MYO7B: variants seen among roughly 807,000 people sequenced by gnomAD.
The protein encoded by MYO7B is unconventional myosin-VIIb.
In MYO7B, 212 loss-of-function variants were observed where a neutral mutation model predicts 259.7. The ratio of observed to expected loss-of-function variants is 0.82; its 90% confidence interval spans 0.73 to 0.91. The LOEUF (loss-of-function observed/expected upper bound fraction) is 0.91, where lower values mean the gene tolerates loss of function less well. Among genes scored for constraint, MYO7B ranks in the 40% least tolerant of loss-of-function variants. MYO7B has a pLI of 0.00. For missense variants in MYO7B, 2,732 were observed against 2,813.5 expected, an observed-to-expected ratio of 0.97 and a Z score of 0.66; for synonymous variants, 1,197 against 1,166.4, an observed-to-expected ratio of 1.03 and a Z score of -0.54.
chr2:127,571,438 G>A (rs1249395437), intron 6 of MYO7B, among the ~76,000 whole-genome samples: 1 of 21,336 alleles, frequency 4.7e-5, no homozygotes, highest in Non-Finnish European at 9.6e-5. Flanking sequence ...TTCCTTACCA[G>A]TGAGTTTTTT....
At position 127,629,871 on chromosome 2, in the gene MYO7B, A is replaced by G. The variant is rs145049450; in HGVS notation, c.4806+45A>G. The G allele has an allele frequency of 6.0e-6, 9 of 1,512,600 alleles. No individual in the cohort carries two copies. In the East Asian group the frequency reaches 2.1e-4, roughly 36 times the overall value. The allele number at this position is 1,512,600 out of a possible 1,614,324, so 93.7% of individuals were successfully genotyped here. Reference sequence around the variant, plus strand: ...GTCCTCAGCCTGGGTACCCGAGGTCAGGGTGGAGCAGTCCTGGGATGCCTA... The same window carrying G: ...GTCCTCAGCCTGGGTACCCGAGGTCGGGGTGGAGCAGTCCTGGGATGCCTA... On this transcript the variant is annotated intron_variant, in intron 35 of 47. Coordinates refer to ENST00000409816, the MANE Select transcript of MYO7B (RefSeq NM_001393586.1).
chr2:127,589,981 T>C (rs1289616157), intron 15 of MYO7B, 111 bp from the exon 16 acceptor site: 19 of 1,248,622 alleles, frequency 1.5e-5, no homozygotes, highest in Non-Finnish European at 2.1e-5. Context: ...AATAGGTAGA[T>C]GCACCACCCC....
In MYO7B at chr2:127,625,443, C is replaced by T. The variant is rs1553457161; in HGVS notation, c.4123C>T (p.Gln1375Ter). ...CGCCTCAGCAGAGAGCAAGGCTGTCCAGGAGCTGCTGCCCAGCTGCATCCC... is the reference window on the plus strand; with the variant it reads ...CGCCTCAGCAGAGAGCAAGGCTGTCTAGGAGCTGCTGCCCAGCTGCATCCC... ...LGASAESKAV[Q>*]ELLPSCIPHK... The change falls in exon 31 of 48, where the codon CAG becomes TAG. Residue 1375 changes from glutamine to a stop codon, truncating the protein, a stop_gained. Coordinates refer to ENST00000409816, the MANE Select transcript of MYO7B (RefSeq NM_001393586.1). LOFTEE classifies it high-confidence loss of function. 1 of 1,612,082 alleles carries T rather than the reference C, an allele frequency of 6.2e-7. No homozygotes were observed. Among genetic ancestry groups the T allele is most frequent in the Non-Finnish European group, 8.5e-7 (1 of 1,179,562 alleles).
intron 1 of MYO7B, among the ~76,000 whole-genome samples, chr2:127,545,447 G>A (rs1428383096): frequency 3.3e-5 from 5 of 152,216 alleles, no homozygotes; most frequent in Non-Finnish European, 7.3e-5. Flanking sequence ...GATGAGATCA[G>A]ACCCTTCAGT....
At chr2:127,562,999 G>A (rs748872796) in intron 2 of MYO7B, among the ~76,000 whole-genome samples, 1 of 152,132 alleles carries the variant, frequency 6.6e-6, no homozygotes, top group African/African-American at 2.4e-5. Context: ...TTTATAATCA[G>A]GGTATGTTCT....
Position 127,636,527 on chromosome 2 carries a change from C to T in MYO7B, c.6124-18C>T, listed in dbSNP as rs1193357183. On this transcript the variant is annotated intron_variant, in intron 45 of 47. Transcript: ENST00000409816. This position sits in a 1 kb window ranked among gnomAD's most constrained non-coding sequence, Gnocchi z 4.5. ...GCCTCCCGGGCTGGACTATGACCGC[C>T]GTGTCCCTCCCTCCCAGCAAACCTC... 7.5e-6 allele frequency: 12 copies of T among 1,603,332 alleles called. No homozygotes were observed. The highest frequency in any genetic ancestry group is 6.8e-5 in the East Asian group (3 of 44,166).
chr2:127,589,824 G>A (rs1224890579), intron 15 of MYO7B, among the ~76,000 whole-genome samples: 37 of 127,758 alleles, frequency 2.9e-4, no homozygotes, highest in African/African-American at 9.6e-4. Context: ...TGGGTAGGTG[G>A]AAGGATGGGT....
chr2:127,628,237 G>T lies in MYO7B; in HGVS notation c.4461-135G>T. ...CAGACCCACAGTGGTGTCTGGCCTA[G>T]TCCTGGCCCTGGCAGAGCAGCTCTG... On this transcript the variant is annotated intron_variant, in intron 33 of 47. Transcript: ENST00000409816. The surrounding 1 kb of genome is among the most constrained non-coding windows in gnomAD (Gnocchi z 4.8). 9.1e-7 allele frequency: 1 copy of T among 1,099,294 alleles called. No individual in the cohort carries two copies. Among genetic ancestry groups the T allele is most frequent in the Non-Finnish European group, 1.3e-6 (1 of 749,006 alleles). 68.1% of individuals were successfully genotyped at this position (1,099,294 alleles called of 1,614,324 possible). A position where few individuals can be genotyped will look rare whatever the true frequency, so the allele number is the denominator to read the frequency against.
chr2:127,561,929 T>C (rs1678101432), intron 2 of MYO7B, among the ~76,000 whole-genome samples: 1 of 152,152 alleles, frequency 6.6e-6, no homozygotes, highest in East Asian at 1.9e-4. Flanking sequence ...TCTTCCTGGC[T>C]GGTAGATGGC....
At position 127,637,551 on chromosome 2, in the gene MYO7B, A is replaced by C; in HGVS notation, c.*134A>C. ...GCTGCCCCCCATACAAAGCCCACTC[A>C]GCCCCGCAGGCGGCCCCCTCTGTCC... On this transcript the variant is annotated 3_prime_UTR_variant, in exon 48 of 48. Transcript: ENST00000409816. The C allele has an allele frequency of 1.5e-6, 1 of 669,790 alleles. No individual in the cohort carries two copies. The highest frequency in any genetic ancestry group is 2.4e-6 in the Non-Finnish European group (1 of 414,818). The allele number at this position is 669,790 out of a possible 1,614,324, so 41.5% of individuals were successfully genotyped here. A position where few individuals can be genotyped will look rare whatever the true frequency, so the allele number is the denominator to read the frequency against.
At chr2:127,612,136 G>A in intron 24 of MYO7B, 114 bp from the exon 25 acceptor site, 2 of 459,278 alleles carry the variant, frequency 4.4e-6, no homozygotes, top group South Asian at 3.2e-5. Context: ...TATAAATCGG[G>A]CCAGGAAATG....
In MYO7B at chr2:127,636,815, T is replaced by C. The variant is rs1402264972; in HGVS notation, c.6229T>C (p.Phe2077Leu). 7.1e-7 allele frequency: 1 copy of C among 1,417,936 alleles called. No homozygotes were observed. Among genetic ancestry groups the C allele is most frequent in the African/African-American group, 1.5e-5 (1 of 67,810 alleles). The allele number at this position is 1,417,936 out of a possible 1,614,324, so 87.8% of individuals were successfully genotyped here. Residue 2077 changes from phenylalanine to leucine, a missense_variant, in exon 47 of 48, where the codon TTC (phenylalanine) becomes CTC (leucine). By Grantham distance (22) the Phe-to-Leu change is conservative (BLOSUM62 0). This residue lies in a region of MYO7B where 821 missense variants were observed against 769.3 expected (regional missense o/e 1.07). Coordinates refer to ENST00000409816, the MANE Select transcript of MYO7B (RefSeq NM_001393586.1). This position sits in a 1 kb window ranked among gnomAD's most constrained non-coding sequence, Gnocchi z 4.5. ...CCAGGACCTGCTCACCACCTATCCC[T>C]TCACCAAGATCTCCAGCTGGAGCAG... ...KTKDLLTTYP[F>L]TKISSWSSGS...
At position 127,577,411 on chromosome 2, in the gene MYO7B, G is replaced by A. The variant is rs529105550; in HGVS notation, c.849+703G>A. ...TTCCTGTAGGAAGGTTTGCACTGTAGTGTCATGCTTTGGATGGCACTGCTG... is the reference window on the plus strand; with the variant it reads ...TTCCTGTAGGAAGGTTTGCACTGTAATGTCATGCTTTGGATGGCACTGCTG... On this transcript the variant is annotated intron_variant, in intron 8 of 47. Coordinates refer to ENST00000409816, the MANE Select transcript of MYO7B (RefSeq NM_001393586.1). The surrounding 1 kb of genome is among the most constrained non-coding windows in gnomAD (Gnocchi z 5.2). 6.6e-6 allele frequency among the ~76,000 whole-genome samples: 1 copy of A among 152,226 alleles called. No individual in the cohort carries two copies. Among genetic ancestry groups the A allele is most frequent in the African/African-American group, 2.4e-5 (1 of 41,462 alleles).
chr2:127,548,637 A>T (rs576770635), intron 1 of MYO7B, among the ~76,000 whole-genome samples: 3 of 152,074 alleles, frequency 2.0e-5, no homozygotes, highest in African/African-American at 4.8e-5. Context: ...GCTGGTCTCG[A>T]ACTCCTGACC....
At chr2:127,556,554 C>T (rs1181732546) in intron 1 of MYO7B, among the ~76,000 whole-genome samples, 2 of 152,144 alleles carry the variant, frequency 1.3e-5, no homozygotes, top group South Asian at 2.1e-4. Context: ...TTTAGAACTC[C>T]TTTTAGCAGT....
intron 6 of MYO7B, among the ~76,000 whole-genome samples, chr2:127,572,455 G>T (rs1208141833): frequency 5.6e-5 from 8 of 143,964 alleles, no homozygotes; most frequent in Admixed American, 1.4e-4. Context: ...TTCCTTCCTT[G>T]CTTCTTTCTC....
rs1426701938 is a variant in MYO7B at position 127,584,818 on chromosome 2, A to G, written c.1595A>G (p.His532Arg). Reference sequence around the variant, plus strand: ...ATGCTGCAAAAGCTGAACAGCGTCCATGCCAACAACAAGGCCTTCCTACAG... The same window carrying G: ...ATGCTGCAAAAGCTGAACAGCGTCCGTGCCAACAACAAGGCCTTCCTACAG... ...LTMLQKLNSV[H>R]ANNKAFLQPK... The change falls in exon 14 of 48, where the codon CAT (histidine) becomes CGT (arginine). Residue 532 changes from histidine to arginine, a missense_variant. Around this residue, in one of 3 missense-constraint regions of MYO7B, gnomAD observed 1,906 missense variants for 2,026.4 expected, o/e 0.94. Coordinates refer to ENST00000409816, the MANE Select transcript of MYO7B (RefSeq NM_001393586.1). The surrounding 1 kb of genome is among the most constrained non-coding windows in gnomAD (Gnocchi z 5.8). 6.2e-7 allele frequency: 1 copy of G among 1,613,836 alleles called. No individual in the cohort carries two copies. Among genetic ancestry groups the G allele is most frequent in the African/African-American group, 1.3e-5 (1 of 74,910 alleles).
chr2:127,579,517 T>G (rs1421489667), intron 9 of MYO7B, among the ~76,000 whole-genome samples: 1 of 152,140 alleles, frequency 6.6e-6, no homozygotes, highest in Non-Finnish European at 1.5e-5. Flanking sequence ...ATCAGAAACA[T>G]GATGCTGAGG....
chr2:127,582,104 C>T (rs1558814536), intron 11 of MYO7B, 94 bp downstream of exon 11: 1 of 1,568,538 alleles, frequency 6.4e-7, no homozygotes, highest in South Asian at 1.2e-5. Context: ...GAGCAGAGGG[C>T]CCTGGGCAGG....
Sources: allele counts gnomAD v4.1 joint callset (sites outside exome capture counted in the v4.1 genomes callset), GRCh38; gene constraint gnomAD v4.1.1; regional missense constraint gnomAD v4.1.1; non-coding constraint Gnocchi (gnomAD v3.1); transcripts MANE v1.5; gene names NCBI Gene and HGNC (gene_info 2026-07-23, HGNC 2026-07-21).